The following RALGPS1 variants were observed in gnomAD, a reference collection of about 807,000 sequenced individuals.
RALGPS1 encodes ras-specific guanine nucleotide-releasing factor RalGPS1.
RALGPS1 carries 19 observed loss-of-function variants against 78.8 expected under a neutral mutation model. That is an observed-to-expected ratio of 0.24 (90% CI 0.17 to 0.35). The LOEUF (loss-of-function observed/expected upper bound fraction) is 0.35. Among genes scored for constraint, RALGPS1 ranks in the 10% least tolerant of loss-of-function variants. The pLI is 1.00. For synonymous variants in RALGPS1, 228 were observed against 256.3 expected (o/e 0.89, Z 1.06); for missense variants, 454 against 688.3 (o/e 0.66, Z 3.81).
At chr9:127,048,673 T>G (rs1158851427) in intron 5 of RALGPS1, among the ~76,000 whole-genome samples, 1 of 152,260 alleles carries the variant, frequency 6.6e-6, no homozygotes, top group Non-Finnish European at 1.5e-5. Flanking sequence ...TACTAAATTG[T>G]ACATGTAAAC....
chr9:127,109,333 C>G (rs1294991016), intron 8 of RALGPS1, among the ~76,000 whole-genome samples: 1 of 152,226 alleles, frequency 6.6e-6, no homozygotes, highest in Non-Finnish European at 1.5e-5. Flanking sequence ...TGATTCAACC[C>G]TGTATTCCCA....
At chr9:127,145,311 G>A (rs1026715046) in intron 8 of RALGPS1, among the ~76,000 whole-genome samples, 3 of 152,118 alleles carry the variant, frequency 2.0e-5, no homozygotes, top group African/African-American at 7.2e-5. Context: ...TTTTTTAGAG[G>A]AGAAACTCCA....
chr9:127,090,716 G>A (rs749313577), intron 8 of RALGPS1, among the ~76,000 whole-genome samples: 1 of 152,232 alleles, frequency 6.6e-6, no homozygotes, highest in Non-Finnish European at 1.5e-5. Context: ...ATGGAGGCAG[G>A]AGGGGACTGG....
intron 11 of RALGPS1, among the ~76,000 whole-genome samples, chr9:127,181,552 C>T (rs1019551834): frequency 6.6e-6 from 1 of 152,248 alleles, no homozygotes; most frequent in African/African-American, 2.4e-5. Context: ...GACTTTCCTA[C>T]AGTCACTTTT....
At position 127,220,550 on chromosome 9, in the gene RALGPS1, G is replaced by A. The variant is rs973469127; in HGVS notation, c.*1781G>A. 1.5e-4 allele frequency: 23 copies of A among 152,110 alleles called. No homozygotes were observed. The highest frequency in any genetic ancestry group is 4.3e-4 in the African/African-American group (18 of 41,410). The allele number at this position is 152,110 out of a possible 1,614,324, so 9.4% of individuals were successfully genotyped here. ...GTTGATGCCATCAAACCTTGACACC[G>A]GGTGCTCTGCACACCCACGCGGATG... On this transcript the variant is annotated 3_prime_UTR_variant, in exon 19 of 19. Transcript: ENST00000259351.
At chr9:127,038,526 C>G (rs1435512339) in intron 5 of RALGPS1, among the ~76,000 whole-genome samples, 12 of 152,238 alleles carry the variant, frequency 7.9e-5, no homozygotes. Context: ...AACAGTTACT[C>G]TTTCCTCATT....
chr9:127,193,461 AG>A (rs747760673), intron 11 of RALGPS1, among the ~76,000 whole-genome samples: 2 of 151,912 alleles, frequency 1.3e-5, no homozygotes, highest in Non-Finnish European at 2.9e-5. Flanking sequence ...GTTGGGAAGG[AG>A]GGGGGACAGC....
intron 8 of RALGPS1, chr9:127,088,060 A>T (rs1355555551): frequency 6.6e-6 from 1 of 152,598 alleles, no homozygotes; most frequent in East Asian, 1.9e-4. Flanking sequence ...CCTGGAAAGA[A>T]GGGGCTGTGC....
intron 8 of RALGPS1, among the ~76,000 whole-genome samples, chr9:127,098,231 T>C (rs2053352093): frequency 2.0e-5 from 3 of 152,220 alleles, no homozygotes; most frequent in Admixed American, 2.0e-4. Context: ...TTTTTGTCAA[T>C]GAAACTGAGT....
chr9:127,174,666 G>A, intron 10 of RALGPS1, 49 bp from the exon 11 acceptor site: 1 of 1,556,332 alleles, frequency 6.4e-7, no homozygotes, highest in Non-Finnish European at 8.9e-7. Context: ...ACAGGTTCCT[G>A]TGTGGTAAAC....
At position 127,183,481 on chromosome 9, in the gene RALGPS1, C is replaced by T. The variant is rs1225980145; in HGVS notation, c.910+8699C>T. Among the ~76,000 whole-genome samples the T allele has an allele frequency of 6.6e-6, 1 of 152,156 alleles. No homozygotes were observed. The highest frequency in any genetic ancestry group is 1.5e-5 in the Non-Finnish European group (1 of 68,034). On this transcript the variant is annotated intron_variant, in intron 11 of 18. Transcript: ENST00000259351. This position sits in a 1 kb window ranked among gnomAD's most constrained non-coding sequence, Gnocchi z 4.0. ...ATGGGCCACCTCGGTCCACAGGAGGCCGTACCTGTCCTCATTCTAACAGAC... is the reference window on the plus strand; with the variant it reads ...ATGGGCCACCTCGGTCCACAGGAGGTCGTACCTGTCCTCATTCTAACAGAC...
rs569774157 is a variant in RALGPS1 at position 127,145,638 on chromosome 9, C to A, written c.611-20431C>A. Among the ~76,000 whole-genome samples, 5 of 152,342 alleles carry A rather than the reference C, an allele frequency of 3.3e-5. No homozygotes were observed. The South Asian group carries it at 1.0e-3, about 32-fold the overall frequency. ...GCATGGAGGCACAGCAAGCCTTTTGCTCCGACTCTGCCTTTACTCTGAGCA... is the reference window on the plus strand; with the variant it reads ...GCATGGAGGCACAGCAAGCCTTTTGATCCGACTCTGCCTTTACTCTGAGCA... On this transcript the variant is annotated intron_variant, in intron 8 of 18. Coordinates refer to ENST00000259351, the MANE Select transcript of RALGPS1 (RefSeq NM_014636.3).
chr9:127,083,258 C>T (rs1399304224), intron 8 of RALGPS1, among the ~76,000 whole-genome samples: 4 of 152,236 alleles, frequency 2.6e-5, no homozygotes, highest in Non-Finnish European at 4.4e-5. Context: ...CTCTGCTCCA[C>T]GGGCAGAGCC....
Position 126,965,848 on chromosome 9 carries a change from G to A in RALGPS1, c.62G>A (p.Ser21Asn), listed in dbSNP as rs753863247. The A allele has an allele frequency of 1.2e-6, 2 of 1,613,296 alleles. No individual in the cohort carries two copies. The highest frequency in any genetic ancestry group is 1.7e-5 in the Admixed American group (1 of 60,000). The change falls in exon 3 of 19, where the codon AGC (serine) becomes AAC (asparagine). Residue 21 changes from serine to asparagine, a missense_variant. By Grantham distance (46) the Ser-to-Asn change is conservative. Coordinates refer to ENST00000259351, the MANE Select transcript of RALGPS1 (RefSeq NM_014636.3). Reference sequence around the variant, plus strand: ...ATCTTTCCCTGCTCTCCACAGGGCAGCAGCAGCTCGGACTCTCTGGAGGGC... The same window carrying A: ...ATCTTTCCCTGCTCTCCACAGGGCAACAGCAGCTCGGACTCTCTGGAGGGC... Reference protein sequence around the residue: ...VLVTSATPQGSSSSDSLEGQS... With the variant: ...VLVTSATPQGNSSSDSLEGQS...
At chr9:127,041,483 G>A (rs1156895709) in intron 5 of RALGPS1, among the ~76,000 whole-genome samples, 1 of 152,152 alleles carries the variant, frequency 6.6e-6, no homozygotes, top group Non-Finnish European at 1.5e-5. Context: ...TGAGTGTGTG[G>A]CTTCAATCCT....
intron 8 of RALGPS1, among the ~76,000 whole-genome samples, chr9:127,125,257 C>G (rs770430115): frequency 2.6e-5 from 4 of 152,240 alleles, no homozygotes; most frequent in Non-Finnish European, 5.9e-5. Flanking sequence ...TTGCTTCCTT[C>G]GTTGGGCTGT....
At chr9:127,178,439 G>A in intron 11 of RALGPS1, 2 of 1,053,494 alleles carry the variant, frequency 1.9e-6, no homozygotes, top group Non-Finnish European at 2.3e-6. Flanking sequence ...GGGTAGTGTT[G>A]TTATTAGCAC....
chr9:127,116,540 C>T (rs1178056486), intron 8 of RALGPS1, among the ~76,000 whole-genome samples: 1 of 152,206 alleles, frequency 6.6e-6, no homozygotes, highest in Non-Finnish European at 1.5e-5. Flanking sequence ...TTGGCTGCTG[C>T]ATTTCCGGCA....
At chr9:126,960,485 C>T (rs1431803305) in intron 1 of RALGPS1, among the ~76,000 whole-genome samples, 2 of 152,038 alleles carry the variant, frequency 1.3e-5, no homozygotes, top group East Asian at 3.9e-4. Context: ...CTGCCCACCT[C>T]AGCCTCCCAA....
Sources: gnomAD v4.1 joint callset for allele counts (sites outside exome capture counted in the v4.1 genomes callset) on GRCh38, gnomAD v4.1.1 for gene constraint, Gnocchi (gnomAD v3.1) non-coding constraint, MANE v1.5 for transcripts, NCBI Gene and HGNC (gene_info 2026-07-23, HGNC 2026-07-21) for gene names.